The following PDS5B variants were observed in gnomAD, a reference collection of about 807,000 sequenced individuals.
The protein encoded by PDS5B is PDS5 cohesin associated factor B.
In PDS5B, 51 loss-of-function variants were observed where a neutral mutation model predicts 184.1. That is an observed-to-expected ratio of 0.28 (90% CI 0.22 to 0.35). The LOEUF (loss-of-function observed/expected upper bound fraction) is 0.35. PDS5B is among the 10% of genes least tolerant of loss of function. The pLI is 1.00. For synonymous variants in PDS5B, 566 were observed against 569.2 expected, an observed-to-expected ratio of 0.99 and a Z score of 0.08; for missense variants, 1,180 against 1,723.3, an observed-to-expected ratio of 0.68 and a Z score of 5.58.
chr13:32,672,280 T>C (rs1416904697), intron 7 of PDS5B, among the ~76,000 whole-genome samples: 3 of 146,256 alleles, frequency 2.1e-5, no homozygotes, highest in African/African-American at 7.7e-5. Context: ...TTCTTCCATA[T>C]GTACTAAGGT....
rs182403440 is a variant in PDS5B, at chr13:32,595,385, A to G, written c.-20+8792A>G. 3.5e-4 allele frequency among the ~76,000 whole-genome samples: 54 copies of G among 152,294 alleles called. No individual in the cohort carries two copies. The East Asian group carries it at 8.5e-3, about 24-fold the overall frequency. On this transcript the variant is annotated intron_variant, in intron 1 of 34. Transcript: ENST00000315596. ...AAGACGGCAAAAAGGAAAAAGATAC[A>G]CAATAAAAAACCTCTCATTCCTTCC... is the stretch of plus-strand genomic sequence containing the variant.
intron 6 of PDS5B, among the ~76,000 whole-genome samples, chr13:32,660,196 C>T (rs1950607165): frequency 6.6e-6 from 1 of 152,226 alleles, no homozygotes; most frequent in Non-Finnish European, 1.5e-5. Context: ...CCCAGCCTCA[C>T]TTCTGCCTCT....
rs1555296312 is a variant in PDS5B, at chr13:32,655,359, C to CATATATATATATATGTATATAT, written c.313-2866_313-2865insGTATATATATATATATATATAT. On this transcript the variant is annotated intron_variant, in intron 3 of 34. Coordinates refer to ENST00000315596, the MANE Select transcript of PDS5B (RefSeq NM_015032.4). Reference sequence around the variant, plus strand: ...AAAAGTATCTCTTCATGTTCTTTGCCATATATATATATATATTTTTTTTTT... The same window carrying CATATATATATATATGTATATAT: ...AAAAGTATCTCTTCATGTTCTTTGCCATATATATATATATGTATATATATATATATATATATATTTTTTTTTT... Among the ~76,000 whole-genome samples, 73 of 39,588 alleles carry CATATATATATATATGTATATAT rather than the reference C, an allele frequency of 1.8e-3. 6 individuals carry two copies. Among genetic ancestry groups the CATATATATATATATGTATATAT allele is most frequent in the East Asian group, 4.1e-3 (1 of 246 alleles). 26.0% of individuals were successfully genotyped at this position (39,588 alleles called of 152,430 possible). A position where few individuals can be genotyped will look rare whatever the true frequency, so the allele number is the denominator to read the frequency against.
At position 32,775,234 on chromosome 13, in the gene PDS5B, G is replaced by T; in HGVS notation, c.*182G>T. 1 of 590,762 alleles carries T rather than the reference G, an allele frequency of 1.7e-6. No individual in the cohort carries two copies. The highest frequency in any genetic ancestry group is 3.0e-6 in the Non-Finnish European group (1 of 333,122). 36.6% of individuals were successfully genotyped at this position (590,762 alleles called of 1,614,324 possible). On this transcript the variant is annotated 3_prime_UTR_variant, in exon 35 of 35. Coordinates refer to ENST00000315596, the MANE Select transcript of PDS5B (RefSeq NM_015032.4). ...GGTCACATGCTTTAGCCATACACAT[G>T]GTAACATTGACTATGGAGTCTTGTG...
At chr13:32,605,869 A>G (rs1288761915) in intron 1 of PDS5B, among the ~76,000 whole-genome samples, 1 of 149,376 alleles carries the variant, frequency 6.7e-6, no homozygotes, top group African/African-American at 2.5e-5. Flanking sequence ...AAAGTCTGTT[A>G]TCAGAGACTA....
intron 16 of PDS5B, among the ~76,000 whole-genome samples, chr13:32,700,287 C>G (rs1018426820): frequency 6.6e-6 from 1 of 152,060 alleles, no homozygotes; most frequent in African/African-American, 2.4e-5. Context: ...AGTACAATTG[C>G]ATGGGCTAAC....
intron 3 of PDS5B, among the ~76,000 whole-genome samples, chr13:32,655,536 G>A (rs71436493): frequency 1.1e-4 from 16 of 150,718 alleles, no homozygotes; most frequent in East Asian, 2.0e-4. Context: ...CCGTCACCAC[G>A]CCCAGCTAAT....
At chr13:32,678,999 G>A in intron 10 of PDS5B, 70 bp downstream of exon 10, 6 of 710,914 alleles carry the variant, frequency 8.4e-6, no homozygotes, top group East Asian at 2.8e-5. Context: ...TTCATAGGGG[G>A]AAAAAAAACC....
intron 1 of PDS5B, among the ~76,000 whole-genome samples, chr13:32,609,578 G>A (rs1181079296): frequency 2.0e-5 from 3 of 152,130 alleles, no homozygotes; most frequent in Non-Finnish European, 4.4e-5. Flanking sequence ...TAGCAGTCTT[G>A]CCTGGATTGT....
At chr13:32,644,317 C>G (rs1436725923) in intron 1 of PDS5B, among the ~76,000 whole-genome samples, 1 of 152,100 alleles carries the variant, frequency 6.6e-6, no homozygotes, top group Non-Finnish European at 1.5e-5. Flanking sequence ...TTTGGCTTAA[C>G]TATATTTTAA....
chr13:32,624,130 T>C (rs971294944), intron 1 of PDS5B, among the ~76,000 whole-genome samples: 3 of 152,212 alleles, frequency 2.0e-5, no homozygotes, highest in Non-Finnish European at 4.4e-5. Flanking sequence ...TTTACCAATC[T>C]GGTCAACACT....
intron 3 of PDS5B, among the ~76,000 whole-genome samples, chr13:32,653,803 A>G (rs1022773420): frequency 1.3e-4 from 20 of 152,170 alleles, no homozygotes; most frequent in African/African-American, 4.3e-4. Context: ...CATTTGTTTG[A>G]TAGTGGCTGT....
intron 19 of PDS5B, 113 bp downstream of exon 19, chr13:32,710,219 C>G: frequency 1.5e-6 from 1 of 675,398 alleles, no homozygotes; most frequent in South Asian, 4.2e-5. Flanking sequence ...TCTAGGTTAT[C>G]TTAAGTCTGT....
At chr13:32,659,318 G>GTTAATTTTAAGCC in intron 6 of PDS5B, 38 bp downstream of exon 6, 1 of 1,458,328 alleles carries the variant, frequency 6.9e-7, no homozygotes. Context: ...TCTAATGCCC[G>GTTAATTTTAAGCC]TTAATATTAA....
intron 24 of PDS5B, among the ~76,000 whole-genome samples, chr13:32,751,307 G>A (rs1953973071): frequency 6.6e-6 from 1 of 152,208 alleles, no homozygotes; most frequent in Non-Finnish European, 1.5e-5. Flanking sequence ...TAGTGCTGCA[G>A]TGAACATATA....
intron 3 of PDS5B, among the ~76,000 whole-genome samples, chr13:32,653,020 T>G (rs9591219): frequency 0.38 from 58,083 of 151,694 alleles, 11,567 homozygotes; most frequent in Non-Finnish European, 0.44. Flanking sequence ...AATTGTGGAG[T>G]CTGGGTGCGG....
chr13:32,750,982 A>G (rs1283500721), intron 24 of PDS5B, among the ~76,000 whole-genome samples: 1 of 152,124 alleles, frequency 6.6e-6, no homozygotes, highest in South Asian at 2.1e-4. Flanking sequence ...TTCATCACAC[A>G]GGTGATAAGC....
intron 6 of PDS5B, among the ~76,000 whole-genome samples, chr13:32,660,235 G>A (rs1950608408): frequency 6.6e-6 from 1 of 152,118 alleles, no homozygotes; most frequent in Non-Finnish European, 1.5e-5. Context: ...GGGGGAAGCT[G>A]GCAAGTAGAC....
intron 7 of PDS5B, among the ~76,000 whole-genome samples, chr13:32,668,321 C>A (rs1950853101): frequency 6.6e-6 from 1 of 152,036 alleles, no homozygotes; most frequent in Non-Finnish European, 1.5e-5. Context: ...TATTGCTATT[C>A]CTGGGGTAGA....
Sources: gnomAD v4.1 joint callset for allele counts (sites outside exome capture counted in the v4.1 genomes callset) on GRCh38, gnomAD v4.1.1 for gene constraint, MANE v1.5 for transcripts, NCBI Gene and HGNC (gene_info 2026-07-23, HGNC 2026-07-21) for gene names.